Variants in SPATA17 observed in about 807,000 individuals in gnomAD.
The protein encoded by SPATA17 is spermatogenesis-associated protein 17.
Under a neutral mutation model 62.2 loss-of-function variants are expected in SPATA17, and 53 were observed. The ratio of observed to expected loss-of-function variants is 0.85; its 90% CI spans 0.68 to 1.07. The LOEUF (loss-of-function observed/expected upper bound fraction) is 1.07. SPATA17 is among the 50% of genes least tolerant of loss of function. SPATA17 has a pLI of 0.00. For synonymous variants in SPATA17, 146 were observed against 146.8 expected, an observed-to-expected ratio of 0.99 and a Z score of 0.04; for missense variants, 466 against 425.5, an observed-to-expected ratio of 1.10 and a Z score of -0.84.
chr1:217,632,106 C>A (rs11810707), intron 1 of SPATA17, among the ~76,000 whole-genome samples: 1 of 152,040 alleles, frequency 6.6e-6, no homozygotes, highest in East Asian at 1.9e-4. Context: ...TCGCTTGAAC[C>A]TGGGAGGCAG....
intron 4 of SPATA17, among the ~76,000 whole-genome samples, chr1:217,676,208 A>T (rs935244536): frequency 6.6e-6 from 1 of 152,124 alleles, no homozygotes; most frequent in Admixed American, 6.5e-5. Context: ...CCTTATTCCT[A>T]TTGCCAGCAT....
At chr1:217,667,059 T>C (rs1020939026) in intron 3 of SPATA17, among the ~76,000 whole-genome samples, 1 of 146,200 alleles carries the variant, frequency 6.8e-6, no homozygotes, top group African/African-American at 2.5e-5. Flanking sequence ...TTTTTTTTTT[T>C]TTTTTTGTGA....
chr1:217,722,118 G>A (rs576536736), intron 5 of SPATA17, among the ~76,000 whole-genome samples: 2 of 152,256 alleles, frequency 1.3e-5, no homozygotes, highest in East Asian at 1.9e-4. Context: ...ATAATTAGAT[G>A]TAGTGCAGGG....
chr1:217,729,016 G>T (rs1672336018), intron 5 of SPATA17, among the ~76,000 whole-genome samples: 1 of 152,168 alleles, frequency 6.6e-6, no homozygotes, highest in Non-Finnish European at 1.5e-5. Flanking sequence ...TTCATCACTT[G>T]TCAGGAAGGC....
Position 217,840,676 on chromosome 1 carries a change from T to C in SPATA17, c.1006-22098T>C, listed in dbSNP as rs542030950. Among the ~76,000 whole-genome samples, 89 of 151,986 alleles carry C rather than the reference T, an allele frequency of 5.9e-4. 1 individual carries two copies. Among genetic ancestry groups the C allele is most frequent in the Admixed American group, 9.9e-4 (15 of 15,222 alleles). On this transcript the variant is annotated intron_variant, in intron 9 of 10. Transcript: ENST00000366933. ...AGTTAGAGACCAGGCCTGGGCAACA[T>C]GGCAAAACCCCATCTCTACAAAAAA...
chr1:217,743,748 T>A (rs1672678863), intron 6 of SPATA17, among the ~76,000 whole-genome samples: 1 of 152,020 alleles, frequency 6.6e-6, no homozygotes, highest in Admixed American at 6.6e-5. Flanking sequence ...TAGCTGAGAT[T>A]ACAGGCATCC....
In SPATA17 at chr1:217,832,549, A is replaced by G. The variant is rs757643276; in HGVS notation, c.1006-30225A>G. Among the ~76,000 whole-genome samples, 4 of 152,162 alleles carry G rather than the reference A, an allele frequency of 2.6e-5. No homozygotes were observed. In the South Asian group the frequency reaches 6.2e-4, roughly 24 times the overall value. On this transcript the variant is annotated intron_variant, in intron 9 of 10. Transcript: ENST00000366933. ...GTTCTATGATGAAAATCATCACAGA[A>G]TGTAGCTACCATATTAATATAAAGT...
At chr1:217,774,086 G>A (rs533030904) in intron 6 of SPATA17, among the ~76,000 whole-genome samples, 1 of 152,244 alleles carries the variant, frequency 6.6e-6, no homozygotes, top group Admixed American at 6.5e-5. Context: ...AGGAACTTGA[G>A]CTCACTAGTT....
chr1:217,682,062 T>C (rs1571727519), intron 4 of SPATA17, among the ~76,000 whole-genome samples: 1 of 152,132 alleles, frequency 6.6e-6, no homozygotes, highest in South Asian at 2.1e-4. Flanking sequence ...ATTTAAACGG[T>C]TGGAAAATTT....
intron 9 of SPATA17, 124 bp downstream of exon 9, chr1:217,801,974 C>G: frequency 9.8e-7 from 1 of 1,017,646 alleles, no homozygotes; most frequent in Non-Finnish European, 1.4e-6. Flanking sequence ...TTTTTTATAG[C>G]TGTTTTAGGT....
Position 217,651,079 on chromosome 1 carries a change from A to G in SPATA17, c.159-18A>G, listed in dbSNP as rs1011685769. 7 of 1,556,468 alleles carry G rather than the reference A, an allele frequency of 4.5e-6. No individual in the cohort carries two copies. Among genetic ancestry groups the G allele is most frequent in the Non-Finnish European group, 5.3e-6 (6 of 1,134,830 alleles). On this transcript the variant is annotated intron_variant, in intron 2 of 10. Coordinates refer to ENST00000366933, the MANE Select transcript of SPATA17 (RefSeq NM_138796.4). ...TTTCAATGAAAGGATACTAATAAGCATATTTTTTTTATCCTAGGCATTTAA... is the reference window on the plus strand; with the variant it reads ...TTTCAATGAAAGGATACTAATAAGCGTATTTTTTTTATCCTAGGCATTTAA...
intron 6 of SPATA17, among the ~76,000 whole-genome samples, chr1:217,755,779 A>G (rs970505170): frequency 1.6e-4 from 24 of 152,010 alleles, no homozygotes; most frequent in African/African-American, 5.6e-4. Flanking sequence ...TTTAGGTTCT[A>G]TGTACATAAG....
intron 9 of SPATA17, among the ~76,000 whole-genome samples, chr1:217,841,094 T>A (rs920576596): frequency 6.6e-6 from 1 of 151,978 alleles, no homozygotes; most frequent in Admixed American, 6.6e-5. Flanking sequence ...TATATATATA[T>A]GTTTAAGTGG....
intron 8 of SPATA17, among the ~76,000 whole-genome samples, chr1:217,800,465 T>C (rs2102987148): frequency 6.6e-6 from 1 of 151,620 alleles, no homozygotes; most frequent in South Asian, 2.1e-4. Flanking sequence ...AGCATTCCTC[T>C]GTACGTGCTT....
chr1:217,757,626 G>C (rs1673080796), intron 6 of SPATA17, among the ~76,000 whole-genome samples: 4 of 152,144 alleles, frequency 2.6e-5, no homozygotes, highest in African/African-American at 4.8e-5. Flanking sequence ...CCACTAACTA[G>C]ATTTGTAGGG....
rs374927658 is a variant in SPATA17, at chr1:217,702,100, A to G, written c.395+18739A>G. 3.9e-5 allele frequency among the ~76,000 whole-genome samples: 6 copies of G among 152,038 alleles called. No homozygotes were observed. The South Asian group carries it at 1.2e-3, about 32-fold the overall frequency. On this transcript the variant is annotated intron_variant, in intron 5 of 10. Coordinates refer to ENST00000366933, the MANE Select transcript of SPATA17 (RefSeq NM_138796.4). ...CTACTATTTATACAAAAATAACGTA[A>G]TAATGCTTTGTGTATTTAAAATTTT...
chr1:217,701,789 A>G (rs909554410), intron 5 of SPATA17, among the ~76,000 whole-genome samples: 1 of 150,892 alleles, frequency 6.6e-6, no homozygotes, highest in African/African-American at 2.4e-5. Context: ...TTTTCTTTAT[A>G]CTCTTTCGTT....
chr1:217,788,372 A>G (rs1673916012), intron 8 of SPATA17, among the ~76,000 whole-genome samples: 1 of 152,152 alleles, frequency 6.6e-6, no homozygotes, highest in African/African-American at 2.4e-5. Context: ...ATGCTTCCCC[A>G]ATCCCTATTG....
At chr1:217,828,758 A>G (rs1675062750) in intron 9 of SPATA17, among the ~76,000 whole-genome samples, 1 of 152,240 alleles carries the variant, frequency 6.6e-6, no homozygotes, top group Admixed American at 6.5e-5. Flanking sequence ...AGCAAGAAAA[A>G]TAAGCCAATT....
Sources: allele counts gnomAD v4.1 joint callset (sites outside exome capture counted in the v4.1 genomes callset), GRCh38; gene constraint gnomAD v4.1.1; transcripts MANE v1.5; gene names NCBI Gene and HGNC (gene_info 2026-07-23, HGNC 2026-07-21).